The following ANKHD1 variants were observed in gnomAD, a reference collection of about 807,000 sequenced individuals.
The protein encoded by ANKHD1 is ankyrin repeat and KH domain containing 1.
Under a neutral mutation model 230.5 loss-of-function variants are expected in ANKHD1, and 31 were observed. The ratio of observed to expected loss-of-function variants is 0.13; its 90% CI spans 0.10 to 0.18. The LOEUF is 0.18. ANKHD1 is among the 10% of genes least tolerant of loss of function. The probability of loss-of-function intolerance (pLI) is 1.00; values close to 1 mark genes in which losing one functional copy is unlikely to be tolerated. For synonymous variants in ANKHD1, 1,074 were observed against 1,117.6 expected, an observed-to-expected ratio of 0.96 and a Z score of 0.78; for missense variants, 2,256 against 3,071.3, an observed-to-expected ratio of 0.73 and a Z score of 6.27.
At chr5:140,456,250 A>G (rs182314447) in intron 7 of ANKHD1, among the ~76,000 whole-genome samples, 182 of 152,394 alleles carry the variant, frequency 1.2e-3, no homozygotes, top group African/African-American at 4.3e-3. Context: ...GCTCATGGAT[A>G]GGGAGATTCA....
chr5:140,524,720 C>T (rs1280403357), intron 25 of ANKHD1, among the ~76,000 whole-genome samples: 1 of 152,096 alleles, frequency 6.6e-6, no homozygotes, highest in Non-Finnish European at 1.5e-5. Flanking sequence ...TTTTGTTCTA[C>T]TTGGATTCTA....
chr5:140,473,839 TTCTC>T (rs1204144888), intron 10 of ANKHD1, among the ~76,000 whole-genome samples: 1 of 152,192 alleles, frequency 6.6e-6, no homozygotes, highest in Non-Finnish European at 1.5e-5. Flanking sequence ...TTGTAAATCT[TTCTC>T]TCTAGCTGCA....
intron 14 of ANKHD1, among the ~76,000 whole-genome samples, chr5:140,491,879 G>A (rs1018899636): frequency 4.6e-5 from 7 of 152,240 alleles, no homozygotes; most frequent in East Asian, 1.9e-4. Flanking sequence ...TGAGTGCAAG[G>A]CTAAGAATAT....
chr5:140,518,691 T>TG (rs1753168179), intron 24 of ANKHD1, among the ~76,000 whole-genome samples: 2 of 152,152 alleles, frequency 1.3e-5, no homozygotes, highest in African/African-American at 4.8e-5. Flanking sequence ...CAAAACCACA[T>TG]GATTATCTCA....
chr5:140,468,264 A>AAAAAAAAAAC (rs1380145183), intron 10 of ANKHD1, among the ~76,000 whole-genome samples: 1 of 144,584 alleles, frequency 6.9e-6, no homozygotes, highest in East Asian at 2.0e-4. Context: ...ACTCCGTCTC[A>AAAAAAAAAAC]AAAAAAAAAC....
intron 1 of ANKHD1, among the ~76,000 whole-genome samples, chr5:140,410,992 C>CTGT (rs139669625): frequency 0.02 from 3,033 of 152,168 alleles, 103 homozygotes; most frequent in African/African-American, 0.069. Context: ...AGAGCCCATA[C>CTGT]TGTTATTTTG....
At chr5:140,414,861 T>C (rs1431859503) in intron 1 of ANKHD1, among the ~76,000 whole-genome samples, 2 of 151,296 alleles carry the variant, frequency 1.3e-5, no homozygotes, top group African/African-American at 2.4e-5. Flanking sequence ...AATTGTGTTG[T>C]TTGTTTTTTA....
Position 140,424,219 on chromosome 5 carries a change from TAGAGAGAG to T in ANKHD1, c.307-11869_307-11862del, listed in dbSNP as rs146480393. ...AATAATACTAGCTACTATATATATA[TAGAGAGAG>T]AGAGAGAGAGAGAGACAGAGACAGA... On this transcript the variant is annotated intron_variant, in intron 1 of 33. Coordinates refer to ENST00000360839, the MANE Select transcript of ANKHD1 (RefSeq NM_017747.3). 2.7e-4 allele frequency among the ~76,000 whole-genome samples: 41 copies of T among 149,654 alleles called. 1 individual carries two copies. The highest frequency in any genetic ancestry group is 5.0e-4 in the Non-Finnish European group (34 of 67,336).
At chr5:140,426,876 C>T (rs937558767) in intron 1 of ANKHD1, among the ~76,000 whole-genome samples, 13 of 152,358 alleles carry the variant, frequency 8.5e-5, no homozygotes, top group Admixed American at 2.6e-4. Flanking sequence ...AATAATTTCT[C>T]TTAGTACAGA....
At chr5:140,492,079 G>A (rs868254838) in intron 14 of ANKHD1, among the ~76,000 whole-genome samples, 11 of 152,092 alleles carry the variant, frequency 7.2e-5, no homozygotes, top group Non-Finnish European at 2.9e-5. Flanking sequence ...GTTGCTTTTT[G>A]GAGTAAGTGA....
At chr5:140,436,318 A>C (rs1773443897) in intron 2 of ANKHD1, 61 bp downstream of exon 2, 3 of 1,344,404 alleles carry the variant, frequency 2.2e-6, no homozygotes, top group Non-Finnish European at 2.9e-6. Flanking sequence ...CTTTACAGTT[A>C]CATGAGATTA....
rs565429377 is a variant in ANKHD1, at chr5:140,469,275, G to T, written c.1782+4499G>T. Among the ~76,000 whole-genome samples the T allele has an allele frequency of 1.2e-4, 18 of 151,466 alleles. No individual in the cohort carries two copies. The South Asian group carries it at 3.8e-3, about 32-fold the overall frequency. Reference sequence around the variant, plus strand: ...CCCAGCTCTTTGGGAGGCCAAGGAGGGCAGATTGCTTGAGCCCAGGAGTTC... The same window carrying T: ...CCCAGCTCTTTGGGAGGCCAAGGAGTGCAGATTGCTTGAGCCCAGGAGTTC... On this transcript the variant is annotated intron_variant, in intron 10 of 33. Coordinates refer to ENST00000360839, the MANE Select transcript of ANKHD1 (RefSeq NM_017747.3).
chr5:140,442,940 C>T (rs533263328), intron 5 of ANKHD1, among the ~76,000 whole-genome samples: 56 of 151,508 alleles, frequency 3.7e-4, no homozygotes, highest in African/African-American at 1.3e-3. Flanking sequence ...GAGTCTCGCA[C>T]TGTTGCCCAG....
Position 140,447,030 on chromosome 5 carries a change from C to G in ANKHD1, c.1147+1055C>G, listed in dbSNP as rs190584934. Among the ~76,000 whole-genome samples the G allele has an allele frequency of 1.7e-3, 255 of 152,232 alleles. 1 individual carries two copies. Among genetic ancestry groups the G allele is most frequent in the African/African-American group, 5.9e-3 (244 of 41,538 alleles). ...GTTCAAGTGATTCTCCTGTCTCAGC[C>G]TCCCTAGTAGCTGGTATTACAGGTG... On this transcript the variant is annotated intron_variant, in intron 6 of 33. Coordinates refer to ENST00000360839, the MANE Select transcript of ANKHD1 (RefSeq NM_017747.3).
Position 140,531,352 on chromosome 5 carries a change from G to A in ANKHD1, c.6850+1556G>A, listed in dbSNP as rs190386556. On this transcript the variant is annotated intron_variant, in intron 29 of 33. Coordinates refer to ENST00000360839, the MANE Select transcript of ANKHD1 (RefSeq NM_017747.3). ...TCCCAGCACTTTGGGAAGCTGAGGC[G>A]AGTGGTTTACATGAGGTCAGGAGTT... The A allele has an allele frequency of 3.5e-3, 1,407 of 407,448 alleles. 8 individuals carry two copies. The highest frequency in any genetic ancestry group is 5.7e-3 in the Non-Finnish European group (1,168 of 205,094). 25.2% of individuals were successfully genotyped at this position (407,448 alleles called of 1,614,324 possible).
intron 4 of ANKHD1, 94 bp downstream of exon 4, chr5:140,440,360 C>A: frequency 7.0e-7 from 1 of 1,431,750 alleles, no homozygotes; most frequent in Non-Finnish European, 9.1e-7. Context: ...TAATTAGAGG[C>A]CAGAGTCTTC....
intron 5 of ANKHD1, 22 bp downstream of exon 5, chr5:140,441,164 A>C (rs1773817884): frequency 6.6e-7 from 1 of 1,505,598 alleles, no homozygotes; most frequent in African/African-American, 1.4e-5. Context: ...ATGATGTATT[A>C]ATTGGGAGAA....
chr5:140,485,268 G>C lies in ANKHD1; in HGVS notation c.1998+20G>C. On this transcript the variant is annotated intron_variant, in intron 12 of 33. Transcript: ENST00000360839. This position sits in a 1 kb window ranked among gnomAD's most constrained non-coding sequence, Gnocchi z 4.8. ...CTCAAGGTAGTCTACTTAAAAATAA[G>C]TAAACAGGCTGTGTGCGGTGGCTCA... The C allele has an allele frequency of 6.2e-7, 1 of 1,602,218 alleles. No homozygotes were observed. Among genetic ancestry groups the C allele is most frequent in the Non-Finnish European group, 8.5e-7 (1 of 1,171,188 alleles).
chr5:140,445,293 G>C (rs929323781), intron 5 of ANKHD1, among the ~76,000 whole-genome samples: 1 of 152,108 alleles, frequency 6.6e-6, no homozygotes, highest in African/African-American at 2.4e-5. Context: ...ATTACCTGAC[G>C]TCAGGAGTTT....
Sources: allele counts gnomAD v4.1 joint callset (sites outside exome capture counted in the v4.1 genomes callset), GRCh38; gene constraint gnomAD v4.1.1; non-coding constraint Gnocchi (gnomAD v3.1); transcripts MANE v1.5; gene names NCBI Gene and HGNC (gene_info 2026-07-23, HGNC 2026-07-21).